The following COX10 variants were observed in gnomAD, a reference collection of about 807,000 sequenced individuals.
The protein encoded by COX10 is cytochrome c oxidase assembly factor heme A:farnesyltransferase COX10, also known as protoheme IX farnesyltransferase, mitochondrial.
Under a neutral mutation model 37.3 loss-of-function variants are expected in COX10, and 27 were observed. The observed-to-expected ratio is 0.72, with a 90% CI of 0.53 to 1.00. COX10 has a LOEUF of 1.00. Among genes scored for constraint, COX10 ranks in the 50% least tolerant of loss-of-function variants. COX10 has a pLI of 0.00. For synonymous variants in COX10, 222 were observed against 229.1 expected (o/e 0.97, Z 0.28); for missense variants, 475 against 563.2 (o/e 0.84, Z 1.59).
intron 4 of COX10, among the ~76,000 whole-genome samples, chr17:14,140,231 A>G (rs866805968): frequency 2.0e-5 from 3 of 152,254 alleles, no homozygotes; most frequent in South Asian, 2.1e-4. Context: ...TTTTATTTTA[A>G]TAAGATTTTT....
chr17:14,095,122 C>T (rs916163270), intron 3 of COX10, among the ~76,000 whole-genome samples: 1 of 152,208 alleles, frequency 6.6e-6, no homozygotes, highest in African/African-American at 2.4e-5. Flanking sequence ...TAGAGCTCTT[C>T]TGTAGCAGAA....
intron 4 of COX10, among the ~76,000 whole-genome samples, chr17:14,156,476 C>A (rs556767594): frequency 6.6e-6 from 1 of 152,318 alleles, no homozygotes; most frequent in South Asian, 2.1e-4. Flanking sequence ...GATCCGCCCC[C>A]CTTGGCCTCC....
intron 4 of COX10, among the ~76,000 whole-genome samples, chr17:14,109,237 T>C (rs1172968052): frequency 6.6e-6 from 1 of 152,100 alleles, no homozygotes; most frequent in Non-Finnish European, 1.5e-5. Flanking sequence ...GGTTTTTATA[T>C]ATAAGGAAAA....
At chr17:14,085,863 TGATGA>T (rs1335464477) in intron 3 of COX10, among the ~76,000 whole-genome samples, 2 of 152,196 alleles carry the variant, frequency 1.3e-5, no homozygotes, top group Non-Finnish European at 2.9e-5. Context: ...AATGAATGCT[TGATGA>T]TAATGTATTC....
chr17:14,154,341 C>CT (rs1399752611), intron 4 of COX10, among the ~76,000 whole-genome samples: 1 of 152,132 alleles, frequency 6.6e-6, no homozygotes, highest in Non-Finnish European at 1.5e-5. Flanking sequence ...AATGGATAAT[C>CT]TGTGTTTTTA....
At chr17:14,108,411 G>A (rs891394267) in intron 4 of COX10, among the ~76,000 whole-genome samples, 1 of 152,140 alleles carries the variant, frequency 6.6e-6, no homozygotes, top group African/African-American at 2.4e-5. Flanking sequence ...AACCATTGAT[G>A]TTCTCAGCGA....
chr17:14,157,162 T>C (rs1905058466), intron 4 of COX10, among the ~76,000 whole-genome samples: 1 of 152,258 alleles, frequency 6.6e-6, no homozygotes, highest in African/African-American at 2.4e-5. Flanking sequence ...GACAGTGGCT[T>C]GTGCGCCTTA....
intron 3 of COX10, among the ~76,000 whole-genome samples, chr17:14,100,772 A>G (rs1374509635): frequency 1.3e-5 from 2 of 152,200 alleles, no homozygotes; most frequent in African/African-American, 2.4e-5. Context: ...CATTTTAAAA[A>G]CATCACTCTG....
chr17:14,121,909 G>A (rs1916238731), intron 4 of COX10, among the ~76,000 whole-genome samples: 2 of 152,088 alleles, frequency 1.3e-5, no homozygotes, highest in Non-Finnish European at 2.9e-5. Flanking sequence ...CCCAGAGAGG[G>A]AAGCTGGGAA....
intron 4 of COX10, among the ~76,000 whole-genome samples, chr17:14,128,328 T>G (rs1479767753): frequency 1.3e-5 from 2 of 152,170 alleles, no homozygotes; most frequent in Admixed American, 1.3e-4. Flanking sequence ...GATTAAAATG[T>G]TAGCTGTGAA....
At chr17:14,169,642 A>G (rs1020406464) in intron 5 of COX10, among the ~76,000 whole-genome samples, 4 of 152,224 alleles carry the variant, frequency 2.6e-5, no homozygotes, top group African/African-American at 9.6e-5. Flanking sequence ...CATTTCTGGC[A>G]AATCGTTCTG....
rs200818252 is a variant in COX10 at position 14,206,908 on chromosome 17, T to C, written c.1027T>C (p.Cys343Arg). The change falls in exon 7 of 7, where the codon TGC (cysteine) becomes CGC (arginine). Residue 343 changes from cysteine (C) to arginine (R), a missense_variant. Cys to Arg is a radical substitution (Grantham distance 180, BLOSUM62 -3). Around this residue, in one of 5 missense-constraint regions of COX10, gnomAD observed 160 missense variants for 180.6 expected, o/e 0.89. Coordinates refer to ENST00000261643, the MANE Select transcript of COX10 (RefSeq NM_001303.4). ...LREDYSRGGY[C>R]MMSVTHPGLC... is the part of the protein sequence containing the mutation. The stretch of plus-strand genomic sequence containing the variant: ...TGAAGACTACTCCCGGGGCGGCTAC[T>C]GCATGATGTCGGTCACCCACCCGGG... 860 of 1,613,824 alleles carry C rather than the reference T, an allele frequency of 5.3e-4. 1 individual carries two copies. The highest frequency in any genetic ancestry group is 7.0e-4 in the Non-Finnish European group (828 of 1,179,938).
At chr17:14,163,089 G>A (rs183189461) in intron 5 of COX10, among the ~76,000 whole-genome samples, 3 of 152,148 alleles carry the variant, frequency 2.0e-5, no homozygotes, top group African/African-American at 7.2e-5. Flanking sequence ...AAATAATCAT[G>A]TGCGTGTTAG....
At chr17:14,103,297 T>C (rs528280301) in intron 4 of COX10, among the ~76,000 whole-genome samples, 14 of 152,254 alleles carry the variant, frequency 9.2e-5, no homozygotes, top group African/African-American at 3.1e-4. Context: ...AACATATTTT[T>C]AATGAAAATG....
At chr17:14,181,178 G>C in intron 5 of COX10, among the ~76,000 whole-genome samples, 1 of 152,216 alleles carries the variant, frequency 6.6e-6, no homozygotes, top group Non-Finnish European at 1.5e-5. Context: ...CCATACAAAA[G>C]ATGGAGAGAA....
intron 4 of COX10, among the ~76,000 whole-genome samples, chr17:14,115,606 GTAGC>G (rs1916094288): frequency 1.3e-5 from 2 of 152,006 alleles, no homozygotes; most frequent in South Asian, 4.1e-4. Flanking sequence ...CCCTACCACC[GTAGC>G]AAAGATATGC....
chr17:14,075,957 ACT>A (rs1430138791), intron 2 of COX10, among the ~76,000 whole-genome samples: 1 of 142,428 alleles, frequency 7.0e-6, no homozygotes, highest in African/African-American at 2.6e-5. Context: ...CTGCCACTGG[ACT>A]CCATCCTGGG....
intron 5 of COX10, among the ~76,000 whole-genome samples, chr17:14,189,743 A>C (rs1265079993): frequency 2.6e-5 from 4 of 152,304 alleles, no homozygotes; most frequent in Middle Eastern, 3.4e-3. Context: ...GTATACCTCC[A>C]CCTTAGAGAA....
intron 4 of COX10, among the ~76,000 whole-genome samples, chr17:14,132,310 G>C (rs1161799892): frequency 6.6e-6 from 1 of 151,872 alleles, no homozygotes; most frequent in Non-Finnish European, 1.5e-5. Flanking sequence ...TAATTTTGTT[G>C]TTTTAAATTC....
Sources: gnomAD v4.1 joint callset for allele counts (sites outside exome capture counted in the v4.1 genomes callset) on GRCh38, gnomAD v4.1.1 for gene constraint, gnomAD v4.1.1 regional missense constraint, MANE v1.5 for transcripts, NCBI Gene and HGNC (gene_info 2026-07-23, HGNC 2026-07-21) for gene names.